The following SYTL3 variants were observed in gnomAD, a reference collection of about 807,000 sequenced individuals.
The protein encoded by SYTL3 is synaptotagmin like 3.
Under a neutral mutation model 82.1 loss-of-function variants are expected in SYTL3, and 88 were observed. The observed-to-expected ratio is 1.07, with a 90% CI of 0.90 to 1.28. The LOEUF (loss-of-function observed/expected upper bound fraction) is 1.28, where lower values mean the gene tolerates loss of function less well. SYTL3 is among the 50% of genes most tolerant of loss of function. The pLI is 0.00. For synonymous variants in SYTL3, 311 were observed against 289.4 expected (o/e 1.07, Z -0.76); for missense variants, 831 against 757.6 (o/e 1.10, Z -1.14).
chr6:158,685,488 A>T (rs1389433356), intron 6 of SYTL3, among the ~76,000 whole-genome samples: 1 of 150,692 alleles, frequency 6.6e-6, no homozygotes, highest in Non-Finnish European at 1.5e-5. Flanking sequence ...GATTACAGGT[A>T]TGAGGCACTT....
intron 6 of SYTL3, among the ~76,000 whole-genome samples, chr6:158,691,795 G>A (rs1226193551): frequency 1.3e-5 from 2 of 151,116 alleles, no homozygotes; most frequent in East Asian, 4.0e-4. Context: ...GGGACTACGG[G>A]CACCTGTCAC....
chr6:158,690,860 A>C (rs974702646), intron 6 of SYTL3, among the ~76,000 whole-genome samples: 2 of 152,194 alleles, frequency 1.3e-5, no homozygotes, highest in Non-Finnish European at 2.9e-5. Context: ...TCTTGCCTTT[A>C]GGAAGCTCCC....
intron 5 of SYTL3, among the ~76,000 whole-genome samples, chr6:158,669,678 T>C (rs902971986): frequency 6.6e-6 from 1 of 152,238 alleles, no homozygotes; most frequent in East Asian, 1.9e-4. Flanking sequence ...GTTGAAAAAT[T>C]GATCCAGACC....
At chr6:158,665,246 C>A in intron 4 of SYTL3, 149 bp from the exon 5 acceptor site, 1 of 677,508 alleles carries the variant, frequency 1.5e-6, no homozygotes, top group Non-Finnish European at 2.5e-6. Flanking sequence ...TGAGTGAGAG[C>A]CCAGTTCACA....
intron 6 of SYTL3, among the ~76,000 whole-genome samples, chr6:158,698,299 AGGCAGGAGAATC>A (rs1234319875): frequency 6.6e-6 from 1 of 150,426 alleles, no homozygotes; most frequent in Non-Finnish European, 1.5e-5. Flanking sequence ...CAGGAGGCTG[AGGCAGGAGAATC>A]GCTTGAACAC....
At chr6:158,710,842 G>A (rs369856921) in intron 8 of SYTL3, among the ~76,000 whole-genome samples, 15 of 150,990 alleles carry the variant, frequency 9.9e-5, no homozygotes, top group African/African-American at 2.7e-4. Context: ...GTGCAATGGC[G>A]CAATCTTGGC....
intron 2 of SYTL3, among the ~76,000 whole-genome samples, chr6:158,659,067 G>GGTTTAGAGAAACTAGGATCAAA (rs1190730848): frequency 5.9e-5 from 9 of 152,188 alleles, no homozygotes; most frequent in African/African-American, 2.2e-4. Flanking sequence ...CTAGAATCAA[G>GGTTTAGAGAAACTAGGATCAAA]GTTTAGAGAA....
At chr6:158,692,347 ATAGT>A (rs1167255689) in intron 6 of SYTL3, among the ~76,000 whole-genome samples, 11 of 150,602 alleles carry the variant, frequency 7.3e-5, no homozygotes, top group South Asian at 4.2e-4. Context: ...TGTATTTCTA[ATAGT>A]TAGGGAAATA....
intron 6 of SYTL3, among the ~76,000 whole-genome samples, chr6:158,685,993 A>G (rs1432244485): frequency 1.3e-5 from 2 of 152,212 alleles, no homozygotes; most frequent in Non-Finnish European, 2.9e-5. Context: ...GCTTCACTCA[A>G]AAAGTTTTCT....
intron 2 of SYTL3, among the ~76,000 whole-genome samples, chr6:158,658,775 A>C (rs1789013148): frequency 6.6e-6 from 1 of 152,022 alleles, no homozygotes; most frequent in South Asian, 2.1e-4. Flanking sequence ...AAATACAAAA[A>C]AAAATTAGCC....
At chr6:158,761,432 A>G (rs921096826) in intron 15 of SYTL3, among the ~76,000 whole-genome samples, 1 of 147,178 alleles carries the variant, frequency 6.8e-6, no homozygotes, top group South Asian at 2.1e-4. Flanking sequence ...CCTCCCGAGT[A>G]CCTGGGACTA....
chr6:158,725,616 A>G lies in SYTL3; in HGVS notation c.834A>G (p.Ile278Met). The change falls in exon 11 of 18, where the codon ATA (isoleucine) becomes ATG (methionine). Residue 278 changes from isoleucine to methionine, a missense_variant. By Grantham distance (10) the Ile-to-Met change is conservative. Coordinates refer to ENST00000611299, the MANE Select transcript of SYTL3 (RefSeq NM_001242394.2). ...NLPSSPAPSTIFSGGFRHGSL... is the reference protein window; with the variant it reads ...NLPSSPAPSTMFSGGFRHGSL... ...CATCCAGTCCGGCACCCAGTACCAT[A>G]TTCTCTGGAGGTTTTAGACACGTGA... 1.2e-6 allele frequency: 2 copies of G among 1,614,088 alleles called. No homozygotes were observed. Among genetic ancestry groups the G allele is most frequent in the Non-Finnish European group, 1.7e-6 (2 of 1,180,012 alleles).
chr6:158,663,651 T>G, intron 4 of SYTL3: 1 of 972,928 alleles, frequency 1.0e-6, no homozygotes, highest in Non-Finnish European at 1.2e-6. Context: ...GCCATCTGCT[T>G]GTCTGTTTGC....
In SYTL3 at chr6:158,725,655, G is replaced by C; in HGVS notation, c.855+18G>C. 6.3e-7 allele frequency: 1 copy of C among 1,597,564 alleles called. No individual in the cohort carries two copies. Among genetic ancestry groups the C allele is most frequent in the African/African-American group, 1.4e-5 (1 of 73,654 alleles). On this transcript the variant is annotated intron_variant, in intron 11 of 17. Coordinates refer to ENST00000611299, the MANE Select transcript of SYTL3 (RefSeq NM_001242394.2). ...TTAGACACGTGAGTCTCATTCCAAT[G>C]CTCTTTTTTTGTTTTTTTGTTTTTT...
chr6:158,742,264 G>A (rs1265146297), intron 11 of SYTL3, among the ~76,000 whole-genome samples: 1 of 152,146 alleles, frequency 6.6e-6, no homozygotes, highest in Non-Finnish European at 1.5e-5. Flanking sequence ...ATATCAAATA[G>A]CAAATTCCAA....
At chr6:158,720,833 C>T (rs1784022296) in intron 10 of SYTL3, among the ~76,000 whole-genome samples, 1 of 152,170 alleles carries the variant, frequency 6.6e-6, no homozygotes, top group African/African-American at 2.4e-5. Context: ...CAGAGACCAA[C>T]CACACCCTGT....
chr6:158,729,555 ACTTT>A (rs1055847270), intron 11 of SYTL3, among the ~76,000 whole-genome samples: 4 of 144,948 alleles, frequency 2.8e-5, no homozygotes, highest in African/African-American at 7.7e-5. Flanking sequence ...ACTGTACTTT[ACTTT>A]CTTTTTCTTT....
At chr6:158,658,355 T>C (rs1788949555) in intron 2 of SYTL3, among the ~76,000 whole-genome samples, 1 of 152,260 alleles carries the variant, frequency 6.6e-6, no homozygotes, top group African/African-American at 2.4e-5. Context: ...GACAATCATA[T>C]ATACTCCACA....
chr6:158,704,476 G>A (rs1303695411), intron 6 of SYTL3, among the ~76,000 whole-genome samples: 1 of 152,278 alleles, frequency 6.6e-6, no homozygotes, highest in Non-Finnish European at 1.5e-5. Context: ...CCTAGCTGGG[G>A]TCTGAGATGT....
Sources: gnomAD v4.1 joint callset for allele counts (sites outside exome capture counted in the v4.1 genomes callset) on GRCh38, gnomAD v4.1.1 for gene constraint, MANE v1.5 for transcripts, NCBI Gene and HGNC (gene_info 2026-07-23, HGNC 2026-07-21) for gene names.